Variants in SKAP2 observed in about 807,000 individuals in gnomAD.
SKAP2 encodes the protein src kinase-associated phosphoprotein 2.
A neutral mutation model predicts 54.9 loss-of-function variants in SKAP2; 28 were observed. The ratio of observed to expected loss-of-function variants is 0.51; its 90% CI spans 0.38 to 0.70. The LOEUF is 0.70. Ranked by LOEUF, SKAP2 falls within the 30% of genes least tolerant of loss-of-function variation. The pLI is 0.00. For missense variants in SKAP2, 356 were observed against 424.1 expected, an observed-to-expected ratio of 0.84 and a Z score of 1.41; for synonymous variants, 137 against 134.3, an observed-to-expected ratio of 1.02 and a Z score of -0.14.
chr7:26,823,481 G>C (rs1234501490), intron 4 of SKAP2, among the ~76,000 whole-genome samples: 3 of 151,164 alleles, frequency 2.0e-5, no homozygotes, highest in Non-Finnish European at 4.4e-5. Flanking sequence ...TACTGATATG[G>C]AGAAACTTTG....
At chr7:26,749,574 C>A (rs1782634774) in intron 4 of SKAP2, among the ~76,000 whole-genome samples, 1 of 151,662 alleles carries the variant, frequency 6.6e-6, no homozygotes, top group Non-Finnish European at 1.5e-5. Flanking sequence ...ACAGCAACAC[C>A]CCATCTCTAT....
intron 3 of SKAP2, among the ~76,000 whole-genome samples, chr7:26,848,455 A>C (rs10227231): frequency 6.6e-6 from 1 of 152,008 alleles, no homozygotes. Flanking sequence ...TTCATGCACA[A>C]AATTACAAGG....
intron 6 of SKAP2, among the ~76,000 whole-genome samples, chr7:26,729,248 G>A (rs1266532846): frequency 6.6e-6 from 1 of 152,070 alleles, no homozygotes; most frequent in Non-Finnish European, 1.5e-5. Context: ...GAACCAGAGA[G>A]AAGCCACAAA....
chr7:26,737,827 T>A (rs1390076616), intron 6 of SKAP2, among the ~76,000 whole-genome samples: 2 of 152,244 alleles, frequency 1.3e-5, no homozygotes, highest in Admixed American at 6.5e-5. Flanking sequence ...TAAAATTATG[T>A]GAACTACAAC....
intron 1 of SKAP2, 57 bp downstream of exon 1, chr7:26,864,306 C>T: frequency 6.2e-7 from 1 of 1,608,684 alleles, no homozygotes; most frequent in Non-Finnish European, 8.5e-7. Context: ...TCCCCACCGG[C>T]TCACCGTTCC....
chr7:26,799,530 C>T (rs1196270765), intron 4 of SKAP2, among the ~76,000 whole-genome samples: 2 of 152,008 alleles, frequency 1.3e-5, no homozygotes, highest in Admixed American at 6.6e-5. Flanking sequence ...AATATATATG[C>T]ACCCAACACT....
intron 9 of SKAP2, among the ~76,000 whole-genome samples, chr7:26,721,851 A>G (rs1483251019): frequency 6.6e-6 from 1 of 152,156 alleles, no homozygotes; most frequent in Non-Finnish European, 1.5e-5. Context: ...TTCTGCAGCA[A>G]TTTCACGAGT....
At chr7:26,677,648 T>A (rs572368559) in intron 11 of SKAP2, among the ~76,000 whole-genome samples, 1 of 152,310 alleles carries the variant, frequency 6.6e-6, no homozygotes, top group South Asian at 2.1e-4. Context: ...TTTACTGACT[T>A]CCCTTTCTTC....
At chr7:26,699,022 A>G (rs1211649792) in intron 9 of SKAP2, among the ~76,000 whole-genome samples, 1 of 152,162 alleles carries the variant, frequency 6.6e-6, no homozygotes, top group Non-Finnish European at 1.5e-5. Context: ...ATGAACTAGT[A>G]TTTTCCAACT....
intron 6 of SKAP2, 28 bp downstream of exon 6, chr7:26,738,767 A>G (rs1782365143): frequency 1.5e-6 from 2 of 1,319,212 alleles, no homozygotes; most frequent in Non-Finnish European, 1.1e-6. Context: ...TTGCAATAGT[A>G]GTTGATATAA....
chr7:26,709,532 T>C (rs1272711647), intron 9 of SKAP2, among the ~76,000 whole-genome samples: 2 of 152,204 alleles, frequency 1.3e-5, no homozygotes, highest in Non-Finnish European at 2.9e-5. Context: ...GTTTAAACAT[T>C]TTCCCCAAGG....
intron 6 of SKAP2, among the ~76,000 whole-genome samples, chr7:26,729,676 A>C (rs928557704): frequency 3.3e-5 from 5 of 152,150 alleles, no homozygotes; most frequent in African/African-American, 9.7e-5. Flanking sequence ...TACCTTGAAA[A>C]GCTCACTCAG....
intron 1 of SKAP2, among the ~76,000 whole-genome samples, chr7:26,856,219 T>A (rs1785158979): frequency 6.6e-6 from 1 of 152,138 alleles, no homozygotes; most frequent in African/African-American, 2.4e-5. Context: ...TGGTTTGAAG[T>A]CTATTAACGA....
intron 4 of SKAP2, among the ~76,000 whole-genome samples, chr7:26,741,825 T>C (rs1340378031): frequency 6.6e-6 from 1 of 151,840 alleles, no homozygotes; most frequent in Non-Finnish European, 1.5e-5. Context: ...TTTACCAGTT[T>C]TTTTTTTTAA....
chr7:26,690,821 T>G (rs778495048), intron 9 of SKAP2, among the ~76,000 whole-genome samples: 3 of 152,206 alleles, frequency 2.0e-5, no homozygotes, highest in Non-Finnish European at 4.4e-5. Flanking sequence ...ATATATAAAA[T>G]CATGGTCCCT....
intron 4 of SKAP2, among the ~76,000 whole-genome samples, chr7:26,818,851 G>A (rs933623719): frequency 1.4e-4 from 22 of 152,170 alleles, no homozygotes; most frequent in African/African-American, 5.3e-4. Context: ...TTAGAGAAAT[G>A]AAAATCAAAA....
chr7:26,670,609 AT>A (rs532866822), intron 11 of SKAP2, among the ~76,000 whole-genome samples: 10 of 152,034 alleles, frequency 6.6e-5, no homozygotes, highest in South Asian at 4.2e-4. Flanking sequence ...GGATAAAATA[AT>A]TTTTTTTACA....
At chr7:26,774,769 G>C (rs996923816) in intron 4 of SKAP2, among the ~76,000 whole-genome samples, 19 of 152,156 alleles carry the variant, frequency 1.2e-4, no homozygotes, top group Admixed American at 1.2e-3. Flanking sequence ...TTCTAGGTCA[G>C]AGAGATGTGG....
intron 4 of SKAP2, among the ~76,000 whole-genome samples, chr7:26,835,194 C>A (rs1251609324): frequency 6.6e-6 from 1 of 152,070 alleles, no homozygotes; most frequent in Non-Finnish European, 1.5e-5. Flanking sequence ...TGGAATGTAT[C>A]TCAAAATAAT....
Sources: gnomAD v4.1 joint callset for allele counts (sites outside exome capture counted in the v4.1 genomes callset) on GRCh38, gnomAD v4.1.1 for gene constraint, MANE v1.5 for transcripts, NCBI Gene and HGNC (gene_info 2026-07-23, HGNC 2026-07-21) for gene names.